Variants in PLCB1 observed in about 807,000 individuals in gnomAD.
PLCB1 encodes the protein phospholipase C beta 1.
PLCB1 carries 46 observed loss-of-function variants against 161.8 expected under a neutral mutation model. The ratio of observed to expected loss-of-function variants is 0.28; its 90% CI spans 0.22 to 0.36. The LOEUF (loss-of-function observed/expected upper bound fraction) is 0.36, where lower values mean the gene tolerates loss of function less well. Among genes scored for constraint, PLCB1 ranks in the 10% least tolerant of loss-of-function variants. The pLI is 1.00. For synonymous variants in PLCB1, 517 were observed against 503.7 expected, an observed-to-expected ratio of 1.03 and a Z score of -0.35; for missense variants, 1,016 against 1,472.5, an observed-to-expected ratio of 0.69 and a Z score of 5.07.
chr20:8,863,227 G>T (rs1174868587), intron 31 of PLCB1, among the ~76,000 whole-genome samples: 1 of 152,170 alleles, frequency 6.6e-6, no homozygotes. Context: ...AGTTCGCCAA[G>T]ATTATAATGC....
chr20:8,616,782 A>G (rs914033466), intron 3 of PLCB1, among the ~76,000 whole-genome samples: 2 of 152,218 alleles, frequency 1.3e-5, no homozygotes, highest in African/African-American at 4.8e-5. Context: ...CATGAGGAGA[A>G]AGCTGCATAA....
intron 31 of PLCB1, among the ~76,000 whole-genome samples, chr20:8,861,716 G>A (rs1224433022): frequency 8.2e-6 from 1 of 121,604 alleles, no homozygotes; most frequent in Non-Finnish European, 1.6e-5. Flanking sequence ...GTGACAGAGT[G>A]AGACTCTACC....
chr20:8,733,506 C>G (rs1028287021), intron 19 of PLCB1, 114 bp downstream of exon 19: 6 of 919,780 alleles, frequency 6.5e-6, no homozygotes, highest in Non-Finnish European at 1.0e-5. Context: ...ATTCTACTTT[C>G]TTCCTACATT....
At chr20:8,546,313 CAAAAAAAA>C (rs369485988) in intron 3 of PLCB1, among the ~76,000 whole-genome samples, 1 of 102,934 alleles carries the variant, frequency 9.7e-6, no homozygotes, top group Non-Finnish European at 1.9e-5. Flanking sequence ...GACTCTATCT[CAAAAAAAA>C]AAAAAAAAAA....
At chr20:8,333,948 G>A (rs1287625334) in intron 2 of PLCB1, among the ~76,000 whole-genome samples, 3 of 152,202 alleles carry the variant, frequency 2.0e-5, no homozygotes, top group African/African-American at 7.2e-5. Flanking sequence ...GGTGGCTCAC[G>A]CCTATAATCC....
intron 9 of PLCB1, 51 bp from the exon 10 acceptor site, chr20:8,684,881 G>T: frequency 6.5e-6 from 9 of 1,375,980 alleles, no homozygotes; most frequent in South Asian, 2.6e-5. Flanking sequence ...GAGGCGACTT[G>T]ACACCCATAA....
intron 2 of PLCB1, among the ~76,000 whole-genome samples, chr20:8,261,459 T>C (rs926590900): frequency 6.6e-6 from 1 of 152,178 alleles, no homozygotes; most frequent in African/African-American, 2.4e-5. Context: ...AAACATACCT[T>C]AAGGCTATTA....
At chr20:8,623,465 A>G (rs779191064) in intron 3 of PLCB1, among the ~76,000 whole-genome samples, 9 of 152,316 alleles carry the variant, frequency 5.9e-5, no homozygotes, top group Non-Finnish European at 1.0e-4. Context: ...ATACTTATAC[A>G]GTGACTTTAT....
At chr20:8,849,172 A>G (rs1450693306) in intron 31 of PLCB1, among the ~76,000 whole-genome samples, 1 of 152,196 alleles carries the variant, frequency 6.6e-6, no homozygotes, top group African/African-American at 2.4e-5. Flanking sequence ...CAAACACTCA[A>G]GTGGGCACTG....
chr20:8,750,870 C>T (rs759870959), intron 23 of PLCB1: 137 of 1,365,058 alleles, frequency 1.0e-4, no homozygotes, highest in Non-Finnish European at 1.3e-4. Flanking sequence ...GATGGCCTTA[C>T]CTCTTACCCA....
intron 3 of PLCB1, among the ~76,000 whole-genome samples, chr20:8,622,087 C>G (rs992435101): frequency 6.6e-6 from 1 of 152,030 alleles, no homozygotes; most frequent in Non-Finnish European, 1.5e-5. Flanking sequence ...GAAACCGTCT[C>G]TACTCAAAAT....
intron 3 of PLCB1, among the ~76,000 whole-genome samples, chr20:8,473,592 C>T (rs1982147897): frequency 6.6e-6 from 1 of 152,112 alleles, no homozygotes; most frequent in South Asian, 2.1e-4. Flanking sequence ...TCAACAGGTG[C>T]CATTAGTATC....
intron 2 of PLCB1, among the ~76,000 whole-genome samples, chr20:8,332,403 T>C (rs1004061770): frequency 2.0e-5 from 3 of 152,260 alleles, no homozygotes; most frequent in Non-Finnish European, 2.9e-5. Context: ...AGAATTTCAA[T>C]GTGATGTATA....
intron 26 of PLCB1, among the ~76,000 whole-genome samples, chr20:8,767,719 C>G (rs995658760): frequency 2.0e-5 from 3 of 152,110 alleles, no homozygotes; most frequent in African/African-American, 7.2e-5. Context: ...TCTCTTGAAC[C>G]CTGTCGAGGG....
chr20:8,344,381 G>A (rs1049576741), intron 2 of PLCB1, among the ~76,000 whole-genome samples: 11 of 152,178 alleles, frequency 7.2e-5, no homozygotes, highest in African/African-American at 2.7e-4. Context: ...GTACAAAAGG[G>A]AACATTTTAT....
chr20:8,753,972 CCAAG>C (rs952355615), intron 23 of PLCB1, among the ~76,000 whole-genome samples: 1 of 152,032 alleles, frequency 6.6e-6, no homozygotes, highest in African/African-American at 2.4e-5. Context: ...GGGTTGTGTC[CCAAG>C]AGTGACACAG....
intron 2 of PLCB1, among the ~76,000 whole-genome samples, chr20:8,249,136 C>T (rs764366843): frequency 4.0e-5 from 6 of 151,818 alleles, no homozygotes; most frequent in African/African-American, 1.2e-4. Flanking sequence ...TTGCATAAAT[C>T]GTCAACTGTA....
intron 31 of PLCB1, among the ~76,000 whole-genome samples, chr20:8,811,453 G>A (rs1389536895): frequency 1.3e-5 from 2 of 152,158 alleles, no homozygotes; most frequent in African/African-American, 4.8e-5. Flanking sequence ...CTATAGCCCT[G>A]TGCACTTCCA....
chr20:8,587,532 C>CA (rs1366862149), intron 3 of PLCB1, among the ~76,000 whole-genome samples: 3 of 152,256 alleles, frequency 2.0e-5, no homozygotes, highest in Non-Finnish European at 2.9e-5. Flanking sequence ...AGAGCAAAAC[C>CA]ATTCCTTACT....
Sources: gnomAD v4.1 joint callset for allele counts (sites outside exome capture counted in the v4.1 genomes callset) on GRCh38, gnomAD v4.1.1 for gene constraint, MANE v1.5 for transcripts, NCBI Gene and HGNC (gene_info 2026-07-23, HGNC 2026-07-21) for gene names.